CSMD1: variants seen among roughly 807,000 people sequenced by gnomAD.
CSMD1 encodes the protein CUB and sushi domain-containing protein 1.
A neutral mutation model predicts 417.5 loss-of-function variants in CSMD1; 213 were observed. That is an observed-to-expected ratio of 0.51 (90% CI 0.46 to 0.57). The LOEUF (loss-of-function observed/expected upper bound fraction) is 0.57, where lower values mean the gene tolerates loss of function less well. Ranked by LOEUF, CSMD1 falls within the 20% of genes least tolerant of loss-of-function variation. The pLI is 0.00. For synonymous variants in CSMD1, 2,862 were observed against 1,736.8 expected, an observed-to-expected ratio of 1.65 and a Z score of -16.11; for missense variants, 6,923 against 4,529.7, an observed-to-expected ratio of 1.53 and a Z score of -15.17.
At chr8:3,922,201 T>G (rs534143718) in intron 5 of CSMD1, among the ~76,000 whole-genome samples, 45 of 152,202 alleles carry the variant, frequency 3.0e-4, no homozygotes, top group Middle Eastern at 3.4e-3. Context: ...AACCCTACTC[T>G]CTTCTTTTTA....
intron 1 of CSMD1, among the ~76,000 whole-genome samples, chr8:4,834,473 T>C (rs1485003020): frequency 6.6e-6 from 1 of 152,138 alleles, no homozygotes; most frequent in Non-Finnish European, 1.5e-5. Context: ...ACGCAACTTT[T>C]AGGCAGGCAG....
intron 7 of CSMD1, among the ~76,000 whole-genome samples, chr8:3,620,621 G>A (rs1184400248): frequency 6.6e-6 from 1 of 152,032 alleles, no homozygotes; most frequent in Non-Finnish European, 1.5e-5. Context: ...GATGTTATAT[G>A]TTATCTCCAT....
At chr8:3,312,642 C>T (rs1432283692) in intron 23 of CSMD1, among the ~76,000 whole-genome samples, 2 of 152,132 alleles carry the variant, frequency 1.3e-5, no homozygotes, top group African/African-American at 4.8e-5. Flanking sequence ...CCATCAATAC[C>T]TTGAAGGACT....
At chr8:4,414,010 G>A (rs1056233295) in intron 3 of CSMD1, among the ~76,000 whole-genome samples, 1 of 152,176 alleles carries the variant, frequency 6.6e-6, no homozygotes, top group Admixed American at 6.5e-5. Context: ...AGAGCCAGCT[G>A]CTCTTCTTGT....
intron 5 of CSMD1, among the ~76,000 whole-genome samples, chr8:3,982,624 A>T (rs914974079): frequency 9.9e-5 from 15 of 152,132 alleles, no homozygotes; most frequent in African/African-American, 3.6e-4. Context: ...AGAGAAAAAA[A>T]AAAAGCCATT....
intron 26 of CSMD1, among the ~76,000 whole-genome samples, chr8:3,275,716 C>G (rs571472278): frequency 3.3e-5 from 5 of 152,178 alleles, no homozygotes; most frequent in Non-Finnish European, 7.3e-5. Flanking sequence ...TCCAGTTGAT[C>G]GCATCGGCTC....
chr8:4,077,972 G>A (rs1235921310), intron 3 of CSMD1, among the ~76,000 whole-genome samples: 3 of 151,988 alleles, frequency 2.0e-5, no homozygotes, highest in African/African-American at 7.2e-5. Context: ...TGTGTCCCCA[G>A]GCTCTCCGAT....
chr8:4,250,113 G>C (rs934309166), intron 3 of CSMD1, among the ~76,000 whole-genome samples: 1 of 152,230 alleles, frequency 6.6e-6, no homozygotes, highest in Non-Finnish European at 1.5e-5. Context: ...CAGCAAGAAA[G>C]CCCCTGATCA....
intron 3 of CSMD1, among the ~76,000 whole-genome samples, chr8:4,185,572 A>G (rs1798621106): frequency 6.6e-6 from 1 of 152,202 alleles, no homozygotes; most frequent in African/African-American, 2.4e-5. Context: ...AAATGGATCA[A>G]AAGTATCCTA....
At chr8:3,660,838 T>C (rs989277936) in intron 7 of CSMD1, among the ~76,000 whole-genome samples, 2 of 152,080 alleles carry the variant, frequency 1.3e-5, no homozygotes, top group African/African-American at 2.4e-5. Context: ...TCTTAACTCA[T>C]GAGGATTAGA....
intron 1 of CSMD1, among the ~76,000 whole-genome samples, chr8:4,763,423 G>C (rs945396919): frequency 1.3e-5 from 2 of 152,032 alleles, no homozygotes; most frequent in African/African-American, 4.8e-5. Flanking sequence ...GTAAAATATA[G>C]GTCACTTACA....
intron 10 of CSMD1, among the ~76,000 whole-genome samples, chr8:3,516,932 G>A (rs531986851): frequency 1.3e-5 from 2 of 152,290 alleles, no homozygotes; most frequent in African/African-American, 2.4e-5. Context: ...CCAAATGCCC[G>A]TCAATCAACG....
intron 1 of CSMD1, among the ~76,000 whole-genome samples, chr8:4,883,959 G>C (rs374556667): frequency 4.0e-5 from 6 of 151,892 alleles, no homozygotes; most frequent in South Asian, 2.1e-4. Context: ...AGCTGCCTAC[G>C]AGCCTTCCAA....
chr8:4,084,940 T>A (rs1800341734), intron 3 of CSMD1, among the ~76,000 whole-genome samples: 1 of 152,114 alleles, frequency 6.6e-6, no homozygotes. Flanking sequence ...ATTGGTAATT[T>A]GGGAAAGCAC....
intron 1 of CSMD1, among the ~76,000 whole-genome samples, chr8:4,689,934 A>C (rs1391024068): frequency 2.0e-5 from 3 of 152,154 alleles, no homozygotes; most frequent in African/African-American, 7.2e-5. Flanking sequence ...AAATGTTATC[A>C]CTTTCTCCCC....
chr8:4,465,953 A>G (rs1303942333), intron 2 of CSMD1, among the ~76,000 whole-genome samples: 1 of 152,182 alleles, frequency 6.6e-6, no homozygotes, highest in Non-Finnish European at 1.5e-5. Flanking sequence ...ATGTGCTTCC[A>G]ATACCTTGTG....
Position 3,586,227 on chromosome 8 carries a change from G to C in CSMD1, c.1131C>G (p.Asp377Glu). 6.2e-7 allele frequency: 1 copy of C among 1,610,042 alleles called. No homozygotes were observed. The highest frequency in any genetic ancestry group is 8.5e-7 in the Non-Finnish European group (1 of 1,178,964). Residue 377 changes from aspartate to glutamate, a missense_variant, in exon 9 of 70, where the codon GAC (aspartate) becomes GAG (glutamate). Asp to Glu is a conservative substitution (Grantham distance 45). Coordinates refer to ENST00000635120, the MANE Select transcript of CSMD1 (RefSeq NM_033225.6). Reference protein sequence around the residue: ...VGANVQFSCEDNYVLQGSKSI... With the variant: ...VGANVQFSCEENYVLQGSKSI... ...TTTTAGATCCCTGGAGCACGTAATT[G>C]TCCTCACATGAAAACTGTACATTTG...
chr8:4,731,331 C>G (rs1288062644), intron 1 of CSMD1, among the ~76,000 whole-genome samples: 2 of 152,146 alleles, frequency 1.3e-5, no homozygotes, highest in Non-Finnish European at 2.9e-5. Context: ...GCTCCCACCT[C>G]ATAAGCTTAC....
intron 27 of CSMD1, among the ~76,000 whole-genome samples, chr8:3,225,267 A>G (rs1288690080): frequency 6.6e-6 from 1 of 152,232 alleles, no homozygotes; most frequent in Non-Finnish European, 1.5e-5. Flanking sequence ...AGTCTAACTG[A>G]ATGCAAACTC....
Sources: gnomAD v4.1 joint callset for allele counts (sites outside exome capture counted in the v4.1 genomes callset) on GRCh38, gnomAD v4.1.1 for gene constraint, MANE v1.5 for transcripts, NCBI Gene and HGNC (gene_info 2026-07-23, HGNC 2026-07-21) for gene names.